The following FNDC7 variants were observed in gnomAD, a reference collection of about 807,000 sequenced individuals.
FNDC7 encodes the protein fibronectin type III domain containing 7, also known as fibronectin type III domain-containing protein 7.
In FNDC7, 66 loss-of-function variants were observed where a neutral mutation model predicts 74.2. That is an observed-to-expected ratio of 0.89 (90% CI 0.73 to 1.09). FNDC7 has a LOEUF of 1.09. Among genes scored for constraint, FNDC7 ranks in the 50% least tolerant of loss-of-function variants. FNDC7 has a pLI of 0.00. For missense variants in FNDC7, 829 were observed against 893.4 expected (o/e 0.93, Z 0.92); for synonymous variants, 307 against 330.2 (o/e 0.93, Z 0.76).
intron 4 of FNDC7, 136 bp downstream of exon 4, chr1:108,719,185 G>T: frequency 1.1e-6 from 1 of 928,374 alleles, no homozygotes; most frequent in Non-Finnish European, 1.6e-6. Context: ...TTATTATAAA[G>T]TTATTTATAG....
At chr1:108,726,047 T>C (rs752899243) in intron 6 of FNDC7, 43 bp downstream of exon 6, 2 of 1,600,336 alleles carry the variant, frequency 1.2e-6, no homozygotes, top group Non-Finnish European at 1.7e-6. Context: ...CTGAGATCTC[T>C]AACCTCAGCA....
chr1:108,731,783 T>C (rs1394497611), intron 9 of FNDC7, among the ~76,000 whole-genome samples: 2 of 152,218 alleles, frequency 1.3e-5, no homozygotes, highest in African/African-American at 4.8e-5. Flanking sequence ...TAAATCATAA[T>C]GTGAGAACAT....
intron 9 of FNDC7, among the ~76,000 whole-genome samples, chr1:108,732,341 CA>C (rs67731443): frequency 0.012 from 1,199 of 103,162 alleles, 4 homozygotes; most frequent in South Asian, 0.031. Flanking sequence ...GACTCCGTCT[CA>C]AAAAAAAAAA....
chr1:108,723,118 G>A (rs1661133547), intron 5 of FNDC7, among the ~76,000 whole-genome samples: 2 of 152,156 alleles, frequency 1.3e-5, no homozygotes, highest in South Asian at 4.1e-4. Flanking sequence ...GTGTCTTGGG[G>A]ATGGAAACTA....
At position 108,716,397 on chromosome 1, in the gene FNDC7, G is replaced by A. The variant is rs181742379; in HGVS notation, c.83-1380G>A. On this transcript the variant is annotated intron_variant, in intron 2 of 12. Transcript: ENST00000370017. ...TGTGTTGGAAGAGGGAGCCCCTGCT[G>A]GGGCTTTCTATTCTGTAGGGGAGAG... Among the ~76,000 whole-genome samples, 91 of 147,876 alleles carry A rather than the reference G, an allele frequency of 6.2e-4. 1 individual carries two copies. The highest frequency in any genetic ancestry group is 2.2e-3 in the African/African-American group (88 of 39,778).
In FNDC7 at chr1:108,727,901, A is replaced by G. The variant is rs965194284; in HGVS notation, c.1205A>G (p.Glu402Gly). 5.0e-6 allele frequency: 8 copies of G among 1,614,174 alleles called. No individual in the cohort carries two copies. Among genetic ancestry groups the G allele is most frequent in the Non-Finnish European group, 5.9e-6 (7 of 1,180,038 alleles). Reference sequence around the variant, plus strand: ...CCTGTCCGTGGTGCCGAACTGTATGAAACCAAGGCTGTAGATGGGTACAAC... The same window carrying G: ...CCTGTCCGTGGTGCCGAACTGTATGGAACCAAGGCTGTAGATGGGTACAAC... ...WSPVRGAELY[E>G]TKAVDGYNMV... Residue 402 changes from glutamate (E) to glycine (G), a missense_variant, in exon 7 of 13, where the codon GAA becomes GGA. By Grantham distance (98) the Glu-to-Gly change is moderately conservative. Coordinates refer to ENST00000370017, the MANE Select transcript of FNDC7 (RefSeq NM_001144937.3).
At chr1:108,731,299 A>G (rs961393760) in intron 9 of FNDC7, among the ~76,000 whole-genome samples, 1 of 152,190 alleles carries the variant, frequency 6.6e-6, no homozygotes, top group Non-Finnish European at 1.5e-5. Flanking sequence ...TTATTGTGCT[A>G]CTACCTCTCT....
At chr1:108,732,226 G>C (rs979230389) in intron 9 of FNDC7, among the ~76,000 whole-genome samples, 1 of 151,918 alleles carries the variant, frequency 6.6e-6, no homozygotes, top group Non-Finnish European at 1.5e-5. Context: ...AGGCGTGGTG[G>C]CGGGCGCCTG....
At chr1:108,724,520 G>A (rs892993223) in intron 5 of FNDC7, among the ~76,000 whole-genome samples, 3 of 152,034 alleles carry the variant, frequency 2.0e-5, no homozygotes, top group Non-Finnish European at 2.9e-5. Context: ...TCAGGAGGCC[G>A]AGATGGGTGG....
At chr1:108,739,598 T>A (rs77349163) in intron 11 of FNDC7, among the ~76,000 whole-genome samples, 4,258 of 152,274 alleles carry the variant, frequency 0.028, 216 homozygotes, top group African/African-American at 0.096. Flanking sequence ...CAAGTTTGAG[T>A]AGCACTGCTT....
chr1:108,730,342 C>T (rs1166352944), intron 8 of FNDC7, among the ~76,000 whole-genome samples: 1 of 138,814 alleles, frequency 7.2e-6, no homozygotes, highest in African/African-American at 2.7e-5. Context: ...GGCAACAGAG[C>T]GAGACTCCAT....
intron 5 of FNDC7, among the ~76,000 whole-genome samples, chr1:108,724,195 G>A (rs1661154481): frequency 6.6e-6 from 1 of 152,126 alleles, no homozygotes; most frequent in Non-Finnish European, 1.5e-5. Flanking sequence ...GGATAAATGA[G>A]GTATTGCCTT....
chr1:108,733,833 A>G (rs1268316914), intron 10 of FNDC7, among the ~76,000 whole-genome samples: 1 of 151,914 alleles, frequency 6.6e-6, no homozygotes, highest in African/African-American at 2.4e-5. Flanking sequence ...GTATTTTTGT[A>G]GAGACGGGGC....
rs1208999324 is a variant in FNDC7, at chr1:108,717,418, TAGA to T, written c.83-357_83-355del. ...AAAGTCACAGAATGCCCAATTGGAGTAGAATACTCTGGAAGAAAGCCTCTCAAT... is the reference window on the plus strand; with the variant it reads ...AAAGTCACAGAATGCCCAATTGGAGTATACTCTGGAAGAAAGCCTCTCAAT... On this transcript the variant is annotated intron_variant, in intron 2 of 12. Transcript: ENST00000370017. Among the ~76,000 whole-genome samples the T allele has an allele frequency of 3.3e-5, 5 of 149,650 alleles. No homozygotes were observed. The East Asian group carries it at 8.1e-4, about 24-fold the overall frequency.
chr1:108,740,867 A>G (rs915372692), intron 11 of FNDC7, among the ~76,000 whole-genome samples: 1 of 152,250 alleles, frequency 6.6e-6, no homozygotes, highest in African/African-American at 2.4e-5. Flanking sequence ...TTAAGCTCAT[A>G]TCACATTCTA....
Position 108,718,781 on chromosome 1 carries a change from T to C in FNDC7, c.338-8T>C, listed in dbSNP as rs1463093086. 2.8e-5 allele frequency: 43 copies of C among 1,549,156 alleles called. No individual in the cohort carries two copies. Among genetic ancestry groups the C allele is most frequent in the Non-Finnish European group, 3.5e-5 (40 of 1,145,082 alleles). ...GTAACACAAATGCATGTGTTTTTAT[T>C]TTTTTAGTGTTGGCTGCACCAATTC... On this transcript the variant is annotated splice_region_variant and splice_polypyrimidine_tract_variant and intron_variant, in intron 3 of 12. Transcript: ENST00000370017.
rs201720195 is a variant in FNDC7, at chr1:108,717,985, C to T, written c.291C>T (p.Ser97=). 3 of 1,551,602 alleles carry T rather than the reference C, an allele frequency of 1.9e-6. No individual in the cohort carries two copies. Among genetic ancestry groups the T allele is most frequent in the East Asian group, 2.4e-5 (1 of 40,940 alleles). ...ATGAAATCACCATCAGATCCATCAG[C>T]GCTGCTGGGAGAAGCCAGGCGTCAC... is the stretch of plus-strand genomic sequence containing the variant. ...TWYEITIRSI[S]AAGRSQASPP... is the part of the protein sequence containing the mutation. Residue 97 remains serine, a synonymous_variant, in exon 3 of 13, where the codon AGC becomes AGT. Transcript: ENST00000370017.
intron 9 of FNDC7, 65 bp from the exon 10 acceptor site, chr1:108,733,207 A>C: frequency 6.3e-7 from 1 of 1,577,492 alleles, no homozygotes; most frequent in Non-Finnish European, 8.6e-7. Context: ...GCAGTAATCA[A>C]GGCCATTTTT....
intron 2 of FNDC7, among the ~76,000 whole-genome samples, chr1:108,716,438 T>G (rs747264878): frequency 1.3e-5 from 2 of 149,162 alleles, no homozygotes; most frequent in Non-Finnish European, 3.0e-5. Flanking sequence ...GCGAAGCCCT[T>G]TCCTATAGAA....
Sources: gnomAD v4.1 joint callset for allele counts (sites outside exome capture counted in the v4.1 genomes callset) on GRCh38, gnomAD v4.1.1 for gene constraint, MANE v1.5 for transcripts, NCBI Gene and HGNC (gene_info 2026-07-23, HGNC 2026-07-21) for gene names.